MYO3B: variants seen among roughly 807,000 people sequenced by gnomAD.
MYO3B encodes the protein myosin IIIB, also known as myosin-IIIb.
Under a neutral mutation model 174.6 loss-of-function variants are expected in MYO3B, and 156 were observed. The observed-to-expected ratio is 0.89, with a 90% CI of 0.78 to 1.02. MYO3B has a LOEUF of 1.02. MYO3B is among the 50% of genes least tolerant of loss of function. MYO3B has a pLI of 0.00. For synonymous variants in MYO3B, 563 were observed against 569.1 expected, an observed-to-expected ratio of 0.99 and a Z score of 0.15; for missense variants, 1,632 against 1,639.4, an observed-to-expected ratio of 1.00 and a Z score of 0.08.
chr2:170,265,565 G>C (rs1345540485), intron 7 of MYO3B, among the ~76,000 whole-genome samples: 1 of 152,222 alleles, frequency 6.6e-6, no homozygotes, highest in Non-Finnish European at 1.5e-5. Context: ...CATGGGCCAA[G>C]ACACAAAGTT....
chr2:170,239,150 A>G (rs564374900), intron 7 of MYO3B, among the ~76,000 whole-genome samples: 1 of 152,240 alleles, frequency 6.6e-6, no homozygotes, highest in East Asian at 1.9e-4. Flanking sequence ...AGTGAATATC[A>G]TTTCTCTCAA....
chr2:170,346,893 C>T (rs988593588), intron 8 of MYO3B, among the ~76,000 whole-genome samples: 1 of 152,206 alleles, frequency 6.6e-6, no homozygotes, highest in East Asian at 1.9e-4. Flanking sequence ...GATAGAGCAT[C>T]ATGATCGCTT....
rs949463522 is a variant in MYO3B at position 170,653,082 on chromosome 2, T to C, written c.3987T>C (p.Phe1329=). 4 of 1,614,200 alleles carry C rather than the reference T, an allele frequency of 2.5e-6. No homozygotes were observed. Among genetic ancestry groups the C allele is most frequent in the African/African-American group, 2.7e-5 (2 of 75,054 alleles). The part of the protein sequence containing the change: ...EENNSAHPSF[F]SSSSKGDSFA... ...ACAACTCAGCCCACCCTTCCTTTTT[T>C]TCTTCATCCTCAAAAGGAGACTCTT... Residue 1329 remains phenylalanine, a synonymous_variant, in exon 35 of 35, where the codon TTT becomes TTC. Transcript: ENST00000408978.
chr2:170,294,739 A>T (rs1198731171), intron 7 of MYO3B, among the ~76,000 whole-genome samples: 1 of 152,122 alleles, frequency 6.6e-6, no homozygotes, highest in Non-Finnish European at 1.5e-5. Context: ...AATTTGTCTA[A>T]ACCCATAGAA....
At chr2:170,595,019 G>C (rs1188613983) in intron 32 of MYO3B, among the ~76,000 whole-genome samples, 1 of 152,152 alleles carries the variant, frequency 6.6e-6, no homozygotes, top group Non-Finnish European at 1.5e-5. Flanking sequence ...GAAAGAACCT[G>C]TGCAGGAGAG....
intron 7 of MYO3B, among the ~76,000 whole-genome samples, chr2:170,239,452 C>T (rs572862965): frequency 5.9e-5 from 9 of 152,306 alleles, no homozygotes; most frequent in African/African-American, 2.2e-4. Context: ...GTTCACTGGT[C>T]AGTCACTGAC....
intron 22 of MYO3B, among the ~76,000 whole-genome samples, chr2:170,409,373 T>C (rs1352498494): frequency 1.3e-5 from 2 of 152,198 alleles, no homozygotes; most frequent in Non-Finnish European, 2.9e-5. Flanking sequence ...TTTCCTCTTG[T>C]TTCTGAATCT....
At chr2:170,642,065 C>T (rs968608667) in intron 32 of MYO3B, among the ~76,000 whole-genome samples, 8 of 152,082 alleles carry the variant, frequency 5.3e-5, no homozygotes, top group Non-Finnish European at 1.0e-4. Context: ...TCCCAGGATA[C>T]GAAAGACCCT....
At chr2:170,648,344 T>C (rs546651881) in intron 32 of MYO3B, among the ~76,000 whole-genome samples, 95 of 152,178 alleles carry the variant, frequency 6.2e-4, no homozygotes, top group African/African-American at 1.8e-3. Flanking sequence ...TATGTTTTCA[T>C]TGAGGCCAGA....
At chr2:170,199,876 T>C (rs1167593875) in intron 2 of MYO3B, among the ~76,000 whole-genome samples, 1 of 152,166 alleles carries the variant, frequency 6.6e-6, no homozygotes, top group African/African-American at 2.4e-5. Context: ...AAGATATTTA[T>C]GATAGTATTA....
At chr2:170,400,655 CCCT>C (rs1182971041) in intron 17 of MYO3B, among the ~76,000 whole-genome samples, 88 of 133,516 alleles carry the variant, frequency 6.6e-4, no homozygotes, top group Non-Finnish European at 8.0e-4. Context: ...CACCCCCCCC[CCCT>C]CGGCCTCCCA....
At chr2:170,564,299 C>T (rs910130402) in intron 32 of MYO3B, among the ~76,000 whole-genome samples, 11 of 152,022 alleles carry the variant, frequency 7.2e-5, no homozygotes, top group African/African-American at 2.7e-4. Flanking sequence ...ATGGTGAAAC[C>T]CCATCTCTAC....
intron 1 of MYO3B, among the ~76,000 whole-genome samples, chr2:170,181,661 A>AT (rs1219614254): frequency 2.0e-5 from 3 of 152,008 alleles, no homozygotes; most frequent in Admixed American, 6.6e-5. Context: ...TAAATGTTGA[A>AT]TTTTTTGTGA....
At chr2:170,219,158 C>T (rs901996181) in intron 6 of MYO3B, among the ~76,000 whole-genome samples, 2 of 152,326 alleles carry the variant, frequency 1.3e-5, no homozygotes, top group African/African-American at 2.4e-5. Flanking sequence ...GGAAACATTC[C>T]CTAATCCCTT....
At chr2:170,487,866 T>A (rs1299932149) in intron 25 of MYO3B, among the ~76,000 whole-genome samples, 2 of 152,204 alleles carry the variant, frequency 1.3e-5, no homozygotes, top group African/African-American at 4.8e-5. Flanking sequence ...GTAGGCCATC[T>A]CCCACGCTAA....
chr2:170,201,593 A>T lies in MYO3B; in HGVS notation c.321+1309A>T, dbSNP rs75281271. ...GGTTTGAATTTATTTCTGTCACATC[A>T]GTTGCCTTCCTCAGAATATATAAGA... is the stretch of plus-strand genomic sequence containing the variant. On this transcript the variant is annotated intron_variant, in intron 3 of 34. Transcript: ENST00000408978. Among the ~76,000 whole-genome samples the T allele has an allele frequency of 8.1e-4, 118 of 145,942 alleles. 1 individual carries two copies. The highest frequency in any genetic ancestry group is 1.5e-3 in the Non-Finnish European group (100 of 66,864).
intron 25 of MYO3B, among the ~76,000 whole-genome samples, chr2:170,474,321 A>C (rs1221026831): frequency 2.0e-5 from 3 of 152,044 alleles, no homozygotes; most frequent in African/African-American, 7.2e-5. Context: ...TGAGCCAATT[A>C]CTGTGCCCAG....
intron 25 of MYO3B, among the ~76,000 whole-genome samples, chr2:170,483,929 C>A (rs1490346911): frequency 6.6e-6 from 1 of 152,094 alleles, no homozygotes; most frequent in Admixed American, 6.5e-5. Flanking sequence ...AGAACACTAC[C>A]CAGTCCATCA....
chr2:170,558,600 T>C (rs1040140928), intron 32 of MYO3B, among the ~76,000 whole-genome samples: 1 of 152,238 alleles, frequency 6.6e-6, no homozygotes, highest in Non-Finnish European at 1.5e-5. Context: ...CATTATATTT[T>C]AAAGATTCAC....
Sources: allele counts gnomAD v4.1 joint callset (sites outside exome capture counted in the v4.1 genomes callset), GRCh38; gene constraint gnomAD v4.1.1; transcripts MANE v1.5; gene names NCBI Gene and HGNC (gene_info 2026-07-23, HGNC 2026-07-21).